TDP2: variants seen among roughly 807,000 people sequenced by gnomAD.
TDP2 encodes 5'-Tyr-DNA phosphodiesterase.
TDP2 carries 38 observed loss-of-function variants against 42.8 expected under a neutral mutation model. That is an observed-to-expected ratio of 0.89 (90% CI 0.68 to 1.16). TDP2 has a LOEUF of 1.16. Among genes scored for constraint, TDP2 ranks in the 50% most tolerant of loss-of-function variants. TDP2 has a pLI of 0.00. For synonymous variants in TDP2, 173 were observed against 150.6 expected, an observed-to-expected ratio of 1.15 and a Z score of -1.09; for missense variants, 439 against 439.3, an observed-to-expected ratio of 1.00 and a Z score of 0.01.
chr6:24,666,078 G>A, intron 2 of TDP2: 1 of 1,538,260 alleles, frequency 6.5e-7, no homozygotes, highest in Non-Finnish European at 8.7e-7. Context: ...GAAATAACAG[G>A]AGTAGGTGTG....
At chr6:24,662,181 A>C (rs917844488) in intron 2 of TDP2, among the ~76,000 whole-genome samples, 2 of 152,076 alleles carry the variant, frequency 1.3e-5, no homozygotes, top group African/African-American at 4.8e-5. Flanking sequence ...AGACAGCCTG[A>C]GATAATGGCC....
Position 24,654,421 on chromosome 6 carries a change from T to TAAA in TDP2, c.624_626dup (p.Leu208_Leu209insPhe), listed in dbSNP as rs1562147251. On this transcript the variant is annotated inframe_insertion, in exon 5 of 7. Transcript: ENST00000378198. ...TTTAAAAATTACTCACATGCACACA[T>TAAA]AAAAGGTTTCTCATCATTTTGGTAC... 2 of 1,491,068 alleles carry TAAA rather than the reference T, an allele frequency of 1.3e-6. No individual in the cohort carries two copies. Among genetic ancestry groups the TAAA allele is most frequent in the Admixed American group, 4.0e-5 (2 of 50,538 alleles). The allele number at this position is 1,491,068 out of a possible 1,614,324, so 92.4% of individuals were successfully genotyped here.
chr6:24,651,864 G>A (rs992427027), intron 6 of TDP2, among the ~76,000 whole-genome samples: 3 of 152,206 alleles, frequency 2.0e-5, no homozygotes, highest in African/African-American at 4.8e-5. Flanking sequence ...TGGGATTACA[G>A]GCATGAGCCA....
chr6:24,666,850 T>A lies in TDP2; in HGVS notation c.13A>T (p.Ser5Cys), dbSNP rs778744134. The A allele has an allele frequency of 9.3e-6, 15 of 1,613,802 alleles. No individual in the cohort carries two copies. Among genetic ancestry groups the A allele is most frequent in the Non-Finnish European group, 1.3e-5 (15 of 1,180,014 alleles). The change falls in exon 1 of 7, where the codon AGT becomes TGT. Residue 5 changes from serine (S) to cysteine (C), a missense_variant. Ser to Cys is a moderately radical substitution (Grantham distance 112). Transcript: ENST00000378198. MELGSCLEGGREAAE... is the reference protein window; with the variant it reads MELGCCLEGGREAAE... ...GCCTCCCTCCCGCCCTCCAGGCAAC[T>A]CCCCAACTCCATCTTCCTGCCGCCT...
At chr6:24,656,856 G>T (rs1778068187) in intron 4 of TDP2, among the ~76,000 whole-genome samples, 1 of 152,138 alleles carries the variant, frequency 6.6e-6, no homozygotes, top group African/African-American at 2.4e-5. Context: ...AAATTAATTA[G>T]AGAAGGTGCT....
Position 24,666,887 on chromosome 6 carries a change from C to T in TDP2, c.-25G>A, listed in dbSNP as rs1778260150. ...TCTTCCTGCCGCCTCTGCACCGCCC[C>T]TTTAAGCGGAACAGGAGGCCAACGC... is the stretch of plus-strand genomic sequence containing the variant. On this transcript the variant is annotated 5_prime_UTR_variant, in exon 1 of 7. Coordinates refer to ENST00000378198, the MANE Select transcript of TDP2 (RefSeq NM_016614.3). 1.9e-6 allele frequency: 3 copies of T among 1,611,832 alleles called. No homozygotes were observed. Among genetic ancestry groups the T allele is most frequent in the Non-Finnish European group, 1.7e-6 (2 of 1,180,036 alleles).
intron 4 of TDP2, among the ~76,000 whole-genome samples, chr6:24,657,340 A>G (rs1293815584): frequency 6.6e-6 from 1 of 152,368 alleles, no homozygotes; most frequent in East Asian, 1.9e-4. Flanking sequence ...GAAAGACTGT[A>G]TATGAAAATC....
intron 2 of TDP2, among the ~76,000 whole-genome samples, chr6:24,661,712 T>G (rs1778150593): frequency 6.7e-6 from 1 of 148,352 alleles, no homozygotes; most frequent in Non-Finnish European, 1.5e-5. Flanking sequence ...AAAATAACCT[T>G]CAAGAGCATA....
intron 2 of TDP2, among the ~76,000 whole-genome samples, chr6:24,661,213 C>G (rs1490393839): frequency 6.6e-6 from 1 of 152,020 alleles, no homozygotes; most frequent in Non-Finnish European, 1.5e-5. Context: ...TTTTCTAATT[C>G]CTCATGTCTT....
In TDP2 at chr6:24,666,852, C is replaced by G; in HGVS notation, c.11G>C (p.Gly4Ala). 2 of 1,613,896 alleles carry G rather than the reference C, an allele frequency of 1.2e-6. No homozygotes were observed. The highest frequency in any genetic ancestry group is 8.5e-7 in the Non-Finnish European group (1 of 1,180,032). MEL[G>A]SCLEGGREAA... is the part of the protein sequence containing the mutation. ...CTCCCTCCCGCCCTCCAGGCAACTC[C>G]CCAACTCCATCTTCCTGCCGCCTCT... The change falls in exon 1 of 7, where the codon GGG becomes GCG. Residue 4 changes from glycine (G) to alanine (A), a missense_variant. By Grantham distance (60) the Gly-to-Ala change is moderately conservative (BLOSUM62 0). Coordinates refer to ENST00000378198, the MANE Select transcript of TDP2 (RefSeq NM_016614.3).
chr6:24,661,662 T>C (rs1180325171), intron 2 of TDP2, among the ~76,000 whole-genome samples: 1 of 152,226 alleles, frequency 6.6e-6, no homozygotes, highest in Non-Finnish European at 1.5e-5. Context: ...AATGTCAATT[T>C]TGTAGCATAA....
chr6:24,666,843 A>G lies in TDP2; in HGVS notation c.20T>C (p.Leu7Pro), dbSNP rs1267394077. Residue 7 changes from leucine to proline, a missense_variant, in exon 1 of 7, where the codon CTG (leucine) becomes CCG (proline). Physicochemically the swap from Leu to Pro is moderately conservative, Grantham distance 98. Transcript: ENST00000378198. The stretch of plus-strand genomic sequence containing the variant: ...CTCCGCCGCCTCCCTCCCGCCCTCC[A>G]GGCAACTCCCCAACTCCATCTTCCT... Reference protein sequence around the residue: MELGSCLEGGREAAEEE... With the variant: MELGSCPEGGREAAEEE... The G allele has an allele frequency of 3.7e-6, 6 of 1,613,944 alleles. No individual in the cohort carries two copies. The highest frequency in any genetic ancestry group is 5.1e-6 in the Non-Finnish European group (6 of 1,180,006).
chr6:24,666,583 G>T lies in TDP2; in HGVS notation c.194C>A (p.Pro65Gln), dbSNP rs767799429. 1.2e-6 allele frequency: 2 copies of T among 1,614,188 alleles called. No individual in the cohort carries two copies. Among genetic ancestry groups the T allele is most frequent in the Non-Finnish European group, 1.7e-6 (2 of 1,180,014 alleles). Residue 65 changes from proline to glutamine, a missense_variant, in exon 2 of 7, where the codon CCG becomes CAG. By Grantham distance (76) the Pro-to-Gln change is moderately conservative. Transcript: ENST00000378198. ...ERALNSYFEP[P>Q]VEESALERRP... ...GCGTTCCAAGGCGCTCTCCTCCACC[G>T]GAGGCTCGAAGTAGGAGTTCAGAGC...
chr6:24,659,901 C>T (rs1778115129), intron 2 of TDP2, among the ~76,000 whole-genome samples: 1 of 152,140 alleles, frequency 6.6e-6, no homozygotes, highest in Admixed American at 6.5e-5. Flanking sequence ...TGTAAAAAGT[C>T]CAACCACCCT....
chr6:24,657,545 T>C (rs1158458027), intron 4 of TDP2, among the ~76,000 whole-genome samples: 1 of 152,202 alleles, frequency 6.6e-6, no homozygotes, highest in African/African-American at 2.4e-5. Flanking sequence ...TTTTAACAAC[T>C]GAATTTCACC....
chr6:24,660,880 ATTAT>A (rs773083166), intron 2 of TDP2, among the ~76,000 whole-genome samples: 19 of 152,064 alleles, frequency 1.2e-4, no homozygotes, highest in Non-Finnish European at 2.6e-4. Context: ...ATGTTTTCCT[ATTAT>A]TTGATTCAGA....
At chr6:24,666,350 C>A in intron 2 of TDP2, 176 bp downstream of exon 2, 1 of 1,476,206 alleles carries the variant, frequency 6.8e-7, no homozygotes, top group Admixed American at 2.0e-5. Flanking sequence ...AGATCCGCTG[C>A]TGGGGCGCAA....
rs906748342 is a variant in TDP2 at position 24,651,033 on chromosome 6, C to A, written c.844G>T (p.Asp282Tyr). ...RCGGLPNNIV[D>Y]VWEFLGKPKH... ...GGTTTGCCCAAAAACTCCCAGACAT[C>A]CACAATGTTGTTGGGTAAACCACCA... The change falls in exon 7 of 7, where the codon GAT becomes TAT. Residue 282 changes from aspartate to tyrosine, a missense_variant. By Grantham distance (160) the Asp-to-Tyr change is radical. Transcript: ENST00000378198. The A allele has an allele frequency of 3.2e-5, 52 of 1,613,338 alleles. No homozygotes were observed. Among genetic ancestry groups the A allele is most frequent in the Non-Finnish European group, 4.1e-5 (48 of 1,179,884 alleles).
At position 24,666,568 on chromosome 6, in the gene TDP2, G is replaced by A. The variant is rs1440189135; in HGVS notation, c.209C>T (p.Ala70Val). The change falls in exon 2 of 7, where the codon GCC becomes GTC. Residue 70 changes from alanine (A) to valine (V), a missense_variant. Coordinates refer to ENST00000378198, the MANE Select transcript of TDP2 (RefSeq NM_016614.3). ...GATGGTTTCAGGTCGGCGTTCCAAG[G>A]CGCTCTCCTCCACCGGAGGCTCGAA... ...SYFEPPVEES[A>V]LERRPETISE... is the part of the protein sequence containing the mutation. The A allele has an allele frequency of 2.5e-6, 4 of 1,614,186 alleles. No individual in the cohort carries two copies. In the South Asian group the frequency reaches 4.4e-5, roughly 18 times the overall value.
Sources: allele counts gnomAD v4.1 joint callset (sites outside exome capture counted in the v4.1 genomes callset), GRCh38; gene constraint gnomAD v4.1.1; transcripts MANE v1.5; gene names NCBI Gene and HGNC (gene_info 2026-07-23, HGNC 2026-07-21).